Variants in SYNPR observed in about 807,000 individuals in gnomAD.
SYNPR encodes the protein synaptoporin.
A neutral mutation model predicts 32.9 loss-of-function variants in SYNPR; 23 were observed. The ratio of observed to expected loss-of-function variants is 0.70; its 90% CI spans 0.50 to 0.99. The LOEUF (loss-of-function observed/expected upper bound fraction) is 0.99. Among genes scored for constraint, SYNPR ranks in the 50% least tolerant of loss-of-function variants. The pLI, the probability that SYNPR is intolerant of heterozygous loss-of-function variation, is 0.00. For synonymous variants in SYNPR, 146 were observed against 135.9 expected (o/e 1.07, Z -0.52); for missense variants, 318 against 349.3 (o/e 0.91, Z 0.71).
At chr3:63,505,234 T>C (rs1052795601) in intron 3 of SYNPR, among the ~76,000 whole-genome samples, 2 of 152,118 alleles carry the variant, frequency 1.3e-5, no homozygotes, top group Admixed American at 6.6e-5. Flanking sequence ...GCATATGAAA[T>C]TGACACATTT....
intron 1 of SYNPR, among the ~76,000 whole-genome samples, chr3:63,231,745 T>C (rs2086168397): frequency 6.6e-6 from 1 of 152,122 alleles, no homozygotes; most frequent in African/African-American, 2.4e-5. Flanking sequence ...AAAAAGCACA[T>C]GGTTCACCAG....
At chr3:63,222,924 C>A in the SYNPR span, among the ~76,000 whole-genome samples, 1 of 152,092 alleles carries the variant, frequency 6.6e-6, no homozygotes, top group Admixed American at 6.6e-5. Flanking sequence ...TTGTAACACC[C>A]CCCAAATCTC....
intron 1 of SYNPR, among the ~76,000 whole-genome samples, chr3:63,246,652 T>C (rs2086292856): frequency 2.0e-5 from 3 of 152,034 alleles, no homozygotes. Context: ...TTAAACCTTG[T>C]AGGTATTTGG....
chr3:63,429,630 G>A (rs1223397292), intron 2 of SYNPR, among the ~76,000 whole-genome samples: 3 of 152,188 alleles, frequency 2.0e-5, no homozygotes, highest in Non-Finnish European at 4.4e-5. Context: ...ATAACTTGTT[G>A]ACATCCTTGT....
intron 2 of SYNPR, among the ~76,000 whole-genome samples, chr3:63,371,713 A>G (rs2087814246): frequency 6.6e-6 from 1 of 152,200 alleles, no homozygotes; most frequent in African/African-American, 2.4e-5. Flanking sequence ...TCCTCGTTCC[A>G]ACTTCTCCTC....
chr3:63,492,145 T>C (rs958618837), intron 3 of SYNPR, among the ~76,000 whole-genome samples: 1 of 152,126 alleles, frequency 6.6e-6, no homozygotes, highest in African/African-American at 2.4e-5. Context: ...TCCCTTGCTC[T>C]AACCCTCCAG....
intron 4 of SYNPR, among the ~76,000 whole-genome samples, chr3:63,584,230 C>A (rs1367358395): frequency 6.6e-6 from 1 of 151,978 alleles, no homozygotes; most frequent in Non-Finnish European, 1.5e-5. Flanking sequence ...AATGGAAGAG[C>A]CTTGTGTGGT....
At chr3:63,318,468 TG>T (rs2106964279) in intron 2 of SYNPR, among the ~76,000 whole-genome samples, 1 of 152,080 alleles carries the variant, frequency 6.6e-6, no homozygotes, top group East Asian at 1.9e-4. Context: ...CTTTTTTCTT[TG>T]TCTTTATTGG....
chr3:63,301,412 G>C (rs2086856328), intron 2 of SYNPR, among the ~76,000 whole-genome samples: 1 of 152,038 alleles, frequency 6.6e-6, no homozygotes, highest in Non-Finnish European at 1.5e-5. Context: ...CCAAACTACA[G>C]AACAAAATTT....
intron 2 of SYNPR, among the ~76,000 whole-genome samples, chr3:63,370,740 G>T (rs1451837351): frequency 1.3e-5 from 2 of 152,150 alleles, no homozygotes; most frequent in African/African-American, 2.4e-5. Context: ...TAGATATCCA[G>T]ACCCGCTGGA....
chr3:63,313,389 A>C (rs890522372), intron 2 of SYNPR, among the ~76,000 whole-genome samples: 4 of 151,546 alleles, frequency 2.6e-5, no homozygotes, highest in African/African-American at 9.7e-5. Flanking sequence ...CCAGGTCCCC[A>C]AAATCCATTG....
chr3:63,383,111 T>C (rs958010524), intron 2 of SYNPR, among the ~76,000 whole-genome samples: 2 of 152,212 alleles, frequency 1.3e-5, no homozygotes, highest in African/African-American at 4.8e-5. Flanking sequence ...AAGGTTTACA[T>C]GACTTAAGGA....
chr3:63,351,561 G>A (rs746789762), intron 2 of SYNPR: 1 of 152,150 alleles, frequency 6.6e-6, no homozygotes, highest in Non-Finnish European at 1.5e-5. Context: ...ATCAAATTTG[G>A]GAGCAGTGGG....
At chr3:63,312,306 C>T (rs1166631849) in intron 2 of SYNPR, among the ~76,000 whole-genome samples, 2 of 151,970 alleles carry the variant, frequency 1.3e-5, no homozygotes, top group African/African-American at 4.8e-5. Flanking sequence ...CTATAACCTG[C>T]TGGCCAAAGA....
chr3:63,431,820 C>CAAAA (rs1238822429), intron 2 of SYNPR, among the ~76,000 whole-genome samples: 2 of 144,392 alleles, frequency 1.4e-5, no homozygotes, highest in African/African-American at 5.2e-5. Context: ...AAAAAAAAGT[C>CAAAA]ATAGTTTCCC....
chr3:63,395,010 G>A (rs1021125422), intron 2 of SYNPR, among the ~76,000 whole-genome samples: 2 of 152,044 alleles, frequency 1.3e-5, no homozygotes, highest in African/African-American at 2.4e-5. Context: ...CCTATGAAAA[G>A]CAGCGTGCTC....
chr3:63,299,371 T>G (rs917531322), intron 2 of SYNPR, among the ~76,000 whole-genome samples: 1 of 152,294 alleles, frequency 6.6e-6, no homozygotes, highest in South Asian at 2.1e-4. Context: ...ACTGTGAAGG[T>G]CTTACACAAT....
chr3:63,569,189 CGAATTTTACATGGCTTT>C (rs1702844530), intron 4 of SYNPR, among the ~76,000 whole-genome samples: 2 of 152,120 alleles, frequency 1.3e-5, no homozygotes, highest in Non-Finnish European at 2.9e-5. Context: ...TGTTGGACTT[CGAATTTTACATGGCTTT>C]GAATTTTTCT....
intron 2 of SYNPR, among the ~76,000 whole-genome samples, chr3:63,408,269 GAAAGAAAGAGGAAGGA>G (rs2088403724): frequency 8.9e-6 from 1 of 112,158 alleles, no homozygotes; most frequent in Non-Finnish European, 1.8e-5. Flanking sequence ...AAGAAAGAAA[GAAAGAAAGAGGAAGGA>G]AGGAAGGAAG....
Sources: allele counts gnomAD v4.1 joint callset (sites outside exome capture counted in the v4.1 genomes callset), GRCh38; gene constraint gnomAD v4.1.1; transcripts MANE v1.5; gene names NCBI Gene and HGNC (gene_info 2026-07-23, HGNC 2026-07-21).